Variants in C14orf132 observed in about 807,000 individuals in gnomAD.
C14orf132 encodes the protein uncharacterized protein C14orf132.
C14orf132 carries 6 observed loss-of-function variants against 5.8 expected under a neutral mutation model. The ratio of observed to expected loss-of-function variants is 1.03; its 90% CI spans 0.57 to 2.04. The LOEUF (loss-of-function observed/expected upper bound fraction) is 2.04. C14orf132 is among the 30% of genes most tolerant of loss of function. The probability of loss-of-function intolerance (pLI) is 0.00; values close to 1 mark genes in which losing one functional copy is unlikely to be tolerated. For synonymous variants in C14orf132, 51 were observed against 49.8 expected, an observed-to-expected ratio of 1.02 and a Z score of -0.10; for missense variants, 125 against 115.8, an observed-to-expected ratio of 1.08 and a Z score of -0.37.
chr14:96,078,527 C>T (rs1341815640), intron 1 of C14orf132, among the ~76,000 whole-genome samples: 1 of 152,226 alleles, frequency 6.6e-6, no homozygotes, highest in Non-Finnish European at 1.5e-5. Context: ...TCGGCCATTG[C>T]TTGTTGGAGC....
chr14:96,049,651 T>TAGAGAGAGAG lies in C14orf132; in HGVS notation c.27+10125_27+10126insGAGAGAGAGA, dbSNP rs375260509. On this transcript the variant is annotated intron_variant, in intron 1 of 1. Coordinates refer to ENST00000555004, the MANE Select transcript of C14orf132 (RefSeq NM_001252507.3). ...ATATACATATATACGTATATATATA[T>TAGAGAGAGAG]ATAGAGAGAGAGAGAGAGAGAGTTC... Among the ~76,000 whole-genome samples the TAGAGAGAGAG allele has an allele frequency of 4.4e-5, 3 of 67,816 alleles. 1 individual carries two copies. Among genetic ancestry groups the TAGAGAGAGAG allele is most frequent in the East Asian group, 1.6e-3 (2 of 1,238 alleles). 44.5% of individuals were successfully genotyped at this position (67,816 alleles called of 152,430 possible).
intron 1 of C14orf132, among the ~76,000 whole-genome samples, chr14:96,053,842 T>C (rs1887102063): frequency 6.6e-6 from 1 of 152,158 alleles, no homozygotes; most frequent in Non-Finnish European, 1.5e-5. Context: ...CATGAGGCCT[T>C]GGGGAGGGAG....
chr14:96,060,105 C>A (rs1887304222), intron 1 of C14orf132, among the ~76,000 whole-genome samples: 1 of 152,234 alleles, frequency 6.6e-6, no homozygotes, highest in Non-Finnish European at 1.5e-5. Context: ...CATGCTAAGA[C>A]ACTGTCCTTT....
Position 96,078,705 on chromosome 14 carries a change from A to G in C14orf132, c.28-7806A>G, listed in dbSNP as rs183111394. Among the ~76,000 whole-genome samples, 103 of 152,208 alleles carry G rather than the reference A, an allele frequency of 6.8e-4. 1 individual carries two copies. Among genetic ancestry groups the G allele is most frequent in the Non-Finnish European group, 7.8e-4 (53 of 67,996 alleles). Reference sequence around the variant, plus strand: ...GCAGGCAGACTGGGCTGGCACCAAGATCTTACATCTCCCTTTGGGACCCCT... The same window carrying G: ...GCAGGCAGACTGGGCTGGCACCAAGGTCTTACATCTCCCTTTGGGACCCCT... On this transcript the variant is annotated intron_variant, in intron 1 of 1. Coordinates refer to ENST00000555004, the MANE Select transcript of C14orf132 (RefSeq NM_001252507.3).
At chr14:96,049,653 TAGAG>T (rs1555384130) in intron 1 of C14orf132, among the ~76,000 whole-genome samples, 1 of 82,280 alleles carries the variant, frequency 1.2e-5, no homozygotes, top group Non-Finnish European at 2.5e-5. Flanking sequence ...TATATATATA[TAGAG>T]AGAGAGAGAG....
At chr14:96,084,958 C>A (rs1449552809) in intron 1 of C14orf132, among the ~76,000 whole-genome samples, 1 of 152,228 alleles carries the variant, frequency 6.6e-6, no homozygotes, top group Non-Finnish European at 1.5e-5. Flanking sequence ...AGCTTCTGAG[C>A]AGCAGCTGCC....
chr14:96,071,989 G>A (rs1887724369), intron 1 of C14orf132, among the ~76,000 whole-genome samples: 1 of 152,124 alleles, frequency 6.6e-6, no homozygotes, highest in Non-Finnish European at 1.5e-5. Context: ...TGGTGTGAAG[G>A]GAGAAGCTCT....
intron 1 of C14orf132, among the ~76,000 whole-genome samples, chr14:96,042,507 A>G (rs1228506033): frequency 6.6e-6 from 1 of 152,214 alleles, no homozygotes; most frequent in Non-Finnish European, 1.5e-5. Flanking sequence ...CGTGACTCCA[A>G]GCCCACGTTT....
chr14:96,081,945 GT>G (rs1459629124), intron 1 of C14orf132, among the ~76,000 whole-genome samples: 1 of 152,146 alleles, frequency 6.6e-6, no homozygotes, highest in African/African-American at 2.4e-5. Context: ...TAATCTTGAT[GT>G]GAATATCTCC....
chr14:96,055,208 G>A (rs973503315), intron 1 of C14orf132, among the ~76,000 whole-genome samples: 49 of 152,218 alleles, frequency 3.2e-4, no homozygotes, highest in Non-Finnish European at 1.3e-4. Flanking sequence ...GGGCAATGTG[G>A]AGCAGCCCGG....
chr14:96,071,570 C>T (rs1055775981), intron 1 of C14orf132, among the ~76,000 whole-genome samples: 17 of 152,306 alleles, frequency 1.1e-4, no homozygotes, highest in African/African-American at 2.6e-4. Flanking sequence ...CCAATTAAGC[C>T]GTGAACACAC....
At position 96,039,683 on chromosome 14, in the gene C14orf132, G is replaced by A. The variant is rs1886631965; in HGVS notation, c.27+156G>A. On this transcript the variant is annotated intron_variant, in intron 1 of 1. Coordinates refer to ENST00000555004, the MANE Select transcript of C14orf132 (RefSeq NM_001252507.3). The surrounding 1 kb of genome is among the most constrained non-coding windows in gnomAD (Gnocchi z 5.3). The stretch of plus-strand genomic sequence containing the variant: ...AGCCGGACACCCCCACTTGGTGCAC[G>A]CGTCGGGGGCGGCGATCGCGGCTCT... Among the ~76,000 whole-genome samples, 2 of 152,096 alleles carry A rather than the reference G, an allele frequency of 1.3e-5. No individual in the cohort carries two copies. The highest frequency in any genetic ancestry group is 2.4e-5 in the African/African-American group (1 of 41,450).
chr14:96,090,642 AC>A lies in C14orf132; in HGVS notation c.*3913del, dbSNP rs1566840443. On this transcript the variant is annotated 3_prime_UTR_variant, in exon 2 of 2. Transcript: ENST00000555004. Reference sequence around the variant, plus strand: ...CAAATAAGACTCCCTGCTCCACTCTACCCCCCAGAGAGAAATGATTCTCGCT... The same window carrying A: ...CAAATAAGACTCCCTGCTCCACTCTACCCCCAGAGAGAAATGATTCTCGCT... 3 of 455,270 alleles carry A rather than the reference AC, an allele frequency of 6.6e-6. No individual in the cohort carries two copies. The highest frequency in any genetic ancestry group is 2.0e-5 in the African/African-American group (1 of 49,792). The allele number at this position is 455,270 out of a possible 1,614,324, so 28.2% of individuals were successfully genotyped here. A position where few individuals can be genotyped will look rare whatever the true frequency, so the allele number is the denominator to read the frequency against.
intron 1 of C14orf132, among the ~76,000 whole-genome samples, chr14:96,077,296 G>A (rs1258699063): frequency 1.3e-5 from 2 of 152,126 alleles, no homozygotes; most frequent in African/African-American, 2.4e-5. Context: ...TGAGATGCTG[G>A]GGGCTATGGG....
At chr14:96,043,418 C>T (rs532108149) in intron 1 of C14orf132, among the ~76,000 whole-genome samples, 6 of 152,262 alleles carry the variant, frequency 3.9e-5, no homozygotes, top group Non-Finnish European at 8.8e-5. Context: ...GTTCTTATGG[C>T]GTAACTCTCC....
chr14:96,086,746 C>T lies in C14orf132; in HGVS notation c.*11C>T, dbSNP rs115748424. 1.5e-5 allele frequency: 23 copies of T among 1,535,070 alleles called. No individual in the cohort carries two copies. In the African/African-American group the frequency reaches 3.1e-4, roughly 21 times the overall value. ...GCCTTCACCTTCTGAGGACGGCACA[C>T]CCTGCACCACCATGGGGTGAGGCTT... On this transcript the variant is annotated 3_prime_UTR_variant, in exon 2 of 2. Transcript: ENST00000555004.
Position 96,090,390 on chromosome 14 carries a change from C to CAAAAA in C14orf132, c.*3666_*3670dup, listed in dbSNP as rs35138535. 2 of 199,734 alleles carry CAAAAA rather than the reference C, an allele frequency of 1.0e-5. No individual in the cohort carries two copies. The highest frequency in any genetic ancestry group is 4.6e-5 in the African/African-American group (1 of 21,658). 12.4% of individuals were successfully genotyped at this position (199,734 alleles called of 1,614,324 possible). A position where few individuals can be genotyped will look rare whatever the true frequency, so the allele number is the denominator to read the frequency against. On this transcript the variant is annotated 3_prime_UTR_variant, in exon 2 of 2. Transcript: ENST00000555004. ...TGGGCAACAGAACGAGACTCTGTCT[C>CAAAAA]AAAAAAAAAAAAAAAGAAAAGAAAA...
rs117819654 is a variant in C14orf132 at position 96,060,302 on chromosome 14, C to T, written c.27+20775C>T. On this transcript the variant is annotated intron_variant, in intron 1 of 1. Transcript: ENST00000555004. The stretch of plus-strand genomic sequence containing the variant: ...TGGGATTGGTGTCACAGGCCCAGGT[C>T]TCTGCTGGCCCCCACACTGGCTGTG... Among the ~76,000 whole-genome samples the T allele has an allele frequency of 6.8e-4, 104 of 152,290 alleles. 3 individuals are homozygous for T. In the East Asian group the frequency reaches 0.019, roughly 28 times the overall value.
At chr14:96,065,428 A>C (rs1887502397) in intron 1 of C14orf132, among the ~76,000 whole-genome samples, 2 of 152,100 alleles carry the variant, frequency 1.3e-5, no homozygotes, top group African/African-American at 4.8e-5. Flanking sequence ...AAAAGGATCC[A>C]CTTAGGGAGG....
Sources: allele counts gnomAD v4.1 joint callset (sites outside exome capture counted in the v4.1 genomes callset), GRCh38; gene constraint gnomAD v4.1.1; non-coding constraint Gnocchi (gnomAD v3.1); transcripts MANE v1.5; gene names NCBI Gene and HGNC (gene_info 2026-07-23, HGNC 2026-07-21).